KIAA2012: variants seen among roughly 807,000 people sequenced by gnomAD.
KIAA2012 encodes KIAA2012, also known as uncharacterized protein KIAA2012.
In KIAA2012, 125 loss-of-function variants were observed where a neutral mutation model predicts 150.6. That is an observed-to-expected ratio of 0.83 (90% CI 0.72 to 0.96). KIAA2012 has a LOEUF of 0.96. Ranked by LOEUF, KIAA2012 falls within the 40% of genes least tolerant of loss-of-function variation. KIAA2012 has a pLI of 0.00. For synonymous variants in KIAA2012, 462 were observed against 504.7 expected (o/e 0.92, Z 1.13); for missense variants, 1,219 against 1,354.9 (o/e 0.90, Z 1.57).
At chr2:202,103,149 A>T in intron 8 of KIAA2012, 35 bp downstream of exon 8, 1 of 1,541,228 alleles carries the variant, frequency 6.5e-7, no homozygotes. Context: ...CCTGAGGGAG[A>T]GCCTGGGATG....
intron 12 of KIAA2012, among the ~76,000 whole-genome samples, chr2:202,127,803 T>C (rs1690833791): frequency 6.6e-6 from 1 of 152,198 alleles, no homozygotes; most frequent in African/African-American, 2.4e-5. Context: ...CAACATTTTT[T>C]AATTGCGGTA....
chr2:202,075,041 GC>G lies in KIAA2012; in HGVS notation c.237del (p.Ile80PhefsTer170). 2 of 1,550,604 alleles carry G rather than the reference GC, an allele frequency of 1.3e-6. No individual in the cohort carries two copies. The highest frequency in any genetic ancestry group is 1.7e-6 in the Non-Finnish European group (2 of 1,147,000). Reference sequence around the variant, plus strand: ...CCTGATCCTGTACTCAGAAGGTTTTGCCATTTCGGCATGGACACCCAAAGAG... The same window carrying G: ...CCTGATCCTGTACTCAGAAGGTTTTGCATTTCGGCATGGACACCCAAAGAG... ...GALILYSEGF[A>X]ISAWTPKERR... On this transcript the variant is annotated frameshift_variant, in exon 2 of 24. Transcript: ENST00000498697. LOFTEE classifies it high-confidence loss of function.
chr2:202,156,237 G>T (rs1163692533), intron 14 of KIAA2012, among the ~76,000 whole-genome samples: 1 of 151,924 alleles, frequency 6.6e-6, no homozygotes, highest in Non-Finnish European at 1.5e-5. Flanking sequence ...AAAGAAGAAT[G>T]ATTCTGGACG....
chr2:202,190,031 T>C, intron 18 of KIAA2012, 143 bp from the exon 19 acceptor site: 1 of 611,612 alleles, frequency 1.6e-6, no homozygotes, highest in Non-Finnish European at 2.7e-6. Flanking sequence ...GAGGCTGCAG[T>C]GAGCCATGAT....
chr2:202,173,145 A>C (rs1244273144), intron 15 of KIAA2012, among the ~76,000 whole-genome samples: 1 of 152,240 alleles, frequency 6.6e-6, no homozygotes, highest in Non-Finnish European at 1.5e-5. Context: ...AGAGTCCCAG[A>C]GAACAGCAGT....
intron 21 of KIAA2012, among the ~76,000 whole-genome samples, chr2:202,195,217 A>G (rs973506226): frequency 6.6e-6 from 1 of 152,024 alleles, no homozygotes; most frequent in African/African-American, 2.4e-5. Context: ...TGTTGGGAAC[A>G]TTCAAAATCC....
chr2:202,118,511 C>G (rs1281321532), intron 11 of KIAA2012, among the ~76,000 whole-genome samples: 1 of 152,158 alleles, frequency 6.6e-6, no homozygotes, highest in African/African-American at 2.4e-5. Context: ...CATCAAAGCT[C>G]TGGGCACTGA....
chr2:202,112,429 A>G (rs1165723659), intron 10 of KIAA2012, among the ~76,000 whole-genome samples: 1 of 152,248 alleles, frequency 6.6e-6, no homozygotes, highest in Non-Finnish European at 1.5e-5. Flanking sequence ...AGAAAATATA[A>G]GTAAGCGTTT....
intron 12 of KIAA2012, chr2:202,137,483 A>G (rs1691095513): frequency 6.6e-6 from 1 of 151,788 alleles, no homozygotes; most frequent in Non-Finnish European, 1.5e-5. Flanking sequence ...CGCCCGGCTA[A>G]TTTTTGTATT....
At chr2:202,118,512 T>C (rs1383080535) in intron 11 of KIAA2012, among the ~76,000 whole-genome samples, 1 of 152,238 alleles carries the variant, frequency 6.6e-6, no homozygotes, top group Non-Finnish European at 1.5e-5. Flanking sequence ...ATCAAAGCTC[T>C]GGGCACTGAG....
At chr2:202,182,547 A>G (rs1021319687) in intron 15 of KIAA2012, among the ~76,000 whole-genome samples, 2 of 152,138 alleles carry the variant, frequency 1.3e-5, no homozygotes, top group African/African-American at 4.8e-5. Flanking sequence ...ACACCAGTTT[A>G]TCTGTTTATC....
intron 22 of KIAA2012, chr2:202,201,710 G>C: frequency 6.4e-7 from 1 of 1,570,338 alleles, no homozygotes; most frequent in Non-Finnish European, 8.8e-7. Flanking sequence ...CGACATGGTG[G>C]GGACTGTGGC....
At chr2:202,139,488 T>C (rs1691153604) in intron 13 of KIAA2012, among the ~76,000 whole-genome samples, 1 of 152,138 alleles carries the variant, frequency 6.6e-6, no homozygotes, top group Admixed American at 6.5e-5. Context: ...TGATCTTGAC[T>C]TCTCCATTCT....
intron 15 of KIAA2012, chr2:202,178,828 A>G (rs1231269171): frequency 1.6e-5 from 3 of 188,176 alleles, no homozygotes; most frequent in African/African-American, 2.4e-5. Context: ...GATTTGAGAG[A>G]CAGTGGACAC....
Position 202,125,282 on chromosome 2 carries a change from G to A in KIAA2012, c.1831G>A (p.Ala611Thr). 1.3e-6 allele frequency: 2 copies of A among 1,549,140 alleles called. No homozygotes were observed. The highest frequency in any genetic ancestry group is 1.4e-5 in the African/African-American group (1 of 73,092). Residue 611 changes from alanine to threonine, a missense_variant and splice_region_variant, in exon 12 of 24, where the codon GCA becomes ACA. Coordinates refer to ENST00000498697, the MANE Select transcript of KIAA2012 (RefSeq NM_001277372.4). ...GCCTAGTAGTCAGCATTTCCTAAAAGGTAAGCTTTTCCACTAAAAAGTCAC... is the reference window on the plus strand; with the variant it reads ...GCCTAGTAGTCAGCATTTCCTAAAAAGTAAGCTTTTCCACTAAAAAGTCAC... ...EGPSSQHFLKANTEPRANLHM... is the reference protein window; with the variant it reads ...EGPSSQHFLKTNTEPRANLHM...
chr2:202,202,743 C>T (rs946486291), intron 23 of KIAA2012, among the ~76,000 whole-genome samples, 156 bp downstream of exon 23: 3 of 151,886 alleles, frequency 2.0e-5, no homozygotes, highest in African/African-American at 7.3e-5. Flanking sequence ...TCCTAGGCAA[C>T]ATAGTGGAAA....
In KIAA2012 at chr2:202,199,920, A is replaced by ATTTTT. The variant is rs71025287; in HGVS notation, c.3408-2484_3408-2480dup. Among the ~76,000 whole-genome samples, 323 of 76,296 alleles carry ATTTTT rather than the reference A, an allele frequency of 4.2e-3. 35 individuals are homozygous for ATTTTT. The highest frequency in any genetic ancestry group is 0.011 in the African/African-American group (206 of 18,514). The allele number at this position is 76,296 out of a possible 152,430, so 50.1% of individuals were successfully genotyped here. Reference sequence around the variant, plus strand: ...TGCATCTTCCTCCTTGCCCCTCATAATTTTTTTTTTTTTTTTTTTTTTTTT... The same window carrying ATTTTT: ...TGCATCTTCCTCCTTGCCCCTCATAATTTTTTTTTTTTTTTTTTTTTTTTTTTTTT... On this transcript the variant is annotated intron_variant, in intron 22 of 23. Coordinates refer to ENST00000498697, the MANE Select transcript of KIAA2012 (RefSeq NM_001277372.4).
intron 9 of KIAA2012, among the ~76,000 whole-genome samples, chr2:202,109,274 G>A (rs905499741): frequency 6.6e-6 from 1 of 152,160 alleles, no homozygotes; most frequent in Admixed American, 6.5e-5. Context: ...TCATCCGTAA[G>A]ATGAGAATAA....
rs530391955 is a variant in KIAA2012, at chr2:202,152,797, G to T, written c.1909-1876G>T. ...GGGTGTGGGTGTTCATTGGAATGAT[G>T]ACTGTTTGTGGGGACTCACCAATTG... On this transcript the variant is annotated intron_variant, in intron 13 of 23. Transcript: ENST00000498697. 9.2e-5 allele frequency among the ~76,000 whole-genome samples: 14 copies of T among 152,322 alleles called. No individual in the cohort carries two copies. In the East Asian group the frequency reaches 2.5e-3, roughly 27 times the overall value.
Sources: gnomAD v4.1 joint callset for allele counts (sites outside exome capture counted in the v4.1 genomes callset) on GRCh38, gnomAD v4.1.1 for gene constraint, MANE v1.5 for transcripts, NCBI Gene and HGNC (gene_info 2026-07-23, HGNC 2026-07-21) for gene names.